The following ABCC2 variants were observed in gnomAD, a reference collection of about 807,000 sequenced individuals.
The protein encoded by ABCC2 is ATP-binding cassette sub-family C member 2.
A neutral mutation model predicts 173.4 loss-of-function variants in ABCC2; 157 were observed. That is an observed-to-expected ratio of 0.91 (90% CI 0.80 to 1.03). ABCC2 has a LOEUF of 1.03. Ranked by LOEUF, ABCC2 falls within the 50% of genes least tolerant of loss-of-function variation. The pLI, the probability that ABCC2 is intolerant of heterozygous loss-of-function variation, is 0.00. For synonymous variants in ABCC2, 657 were observed against 693.5 expected, an observed-to-expected ratio of 0.95 and a Z score of 0.83; for missense variants, 1,822 against 1,852.3, an observed-to-expected ratio of 0.98 and a Z score of 0.30.
chr10:99,831,409 A>T (rs893031048), intron 21 of ABCC2, among the ~76,000 whole-genome samples: 4 of 152,038 alleles, frequency 2.6e-5, no homozygotes, highest in African/African-American at 9.7e-5. Context: ...TTTGATGATT[A>T]TTTACCCTGC....
chr10:99,794,695 C>A (rs1188808241), intron 6 of ABCC2: 2 of 489,652 alleles, frequency 4.1e-6, no homozygotes, highest in Admixed American at 6.7e-5. Flanking sequence ...CAGGTGTGAG[C>A]TACCATGCCC....
At chr10:99,800,630 G>A in intron 9 of ABCC2, 67 bp downstream of exon 9, 1 of 1,564,682 alleles carries the variant, frequency 6.4e-7, no homozygotes, top group Non-Finnish European at 8.8e-7. Context: ...TGATTCCAAG[G>A]TTGAGGAAAA....
intron 6 of ABCC2, chr10:99,794,764 T>C: frequency 2.8e-6 from 1 of 358,052 alleles, no homozygotes; most frequent in Non-Finnish European, 5.3e-6. Context: ...AAGCTGGTCT[T>C]GAACTCAAGC....
At chr10:99,842,205 A>G in intron 26 of ABCC2, 112 bp downstream of exon 26, 1 of 1,478,206 alleles carries the variant, frequency 6.8e-7, no homozygotes, top group South Asian at 1.1e-5. Flanking sequence ...CAGAGGGACT[A>G]AAGAAGACTG....
intron 15 of ABCC2, 30 bp downstream of exon 15, chr10:99,811,632 C>G: frequency 6.2e-7 from 1 of 1,611,464 alleles, no homozygotes; most frequent in Non-Finnish European, 8.5e-7. Flanking sequence ...TCCTAATGTT[C>G]TTTAGCATTC....
chr10:99,846,922 G>T, intron 29 of ABCC2, 39 bp from the exon 30 acceptor site: 1 of 1,613,438 alleles, frequency 6.2e-7, no homozygotes, highest in Non-Finnish European at 8.5e-7. Context: ...TCCTTTTCTG[G>T]CATGAGCCCC....
Position 99,813,144 on chromosome 10 carries a change from G to T in ABCC2, c.2094G>T (p.Lys698Asn). The change falls in exon 16 of 32, where the codon AAG (lysine) becomes AAT (asparagine). Residue 698 changes from lysine (K) to asparagine (N), a missense_variant and splice_region_variant. By Grantham distance (94) the Lys-to-Asn change is moderately conservative. Transcript: ENST00000647814. ...MENVHGHITI[K>N]GTTAYVPQQS... ...ATGTCCACGGGCACATCACCATCAA[G>T]GTGAGAGGGAATGCCAATGCAAAAG... 6.2e-7 allele frequency: 1 copy of T among 1,613,512 alleles called. No homozygotes were observed. The highest frequency in any genetic ancestry group is 8.5e-7 in the Non-Finnish European group (1 of 1,179,694).
At chr10:99,785,048 T>G (rs1338303750) in intron 2 of ABCC2, among the ~76,000 whole-genome samples, 1 of 152,174 alleles carries the variant, frequency 6.6e-6, no homozygotes, top group Non-Finnish European at 1.5e-5. Context: ...TCAATCAAAT[T>G]ATCTTTATAG....
At chr10:99,826,089 C>T (rs1351153314) in intron 19 of ABCC2, among the ~76,000 whole-genome samples, 1 of 152,138 alleles carries the variant, frequency 6.6e-6, no homozygotes, top group East Asian at 1.9e-4. Context: ...AGGTGGCTCT[C>T]TACCTGTTGT....
At position 99,851,403 on chromosome 10, in the gene ABCC2, T is replaced by C. The variant is rs950247565; in HGVS notation, c.4509-99T>C. ...ATTGATTTTCACTGCTTTGTAGCCT[T>C]GTCTGACTATACCACAACTTAGTCC... On this transcript the variant is annotated intron_variant, in intron 31 of 31. Coordinates refer to ENST00000647814, the MANE Select transcript of ABCC2 (RefSeq NM_000392.5). 6.4e-6 allele frequency: 9 copies of C among 1,414,518 alleles called. No individual in the cohort carries two copies. In the African/African-American group the frequency reaches 1.3e-4, roughly 20 times the overall value. The allele number at this position is 1,414,518 out of a possible 1,614,324, so 87.6% of individuals were successfully genotyped here.
At position 99,782,779 on chromosome 10, in the gene ABCC2, AG is replaced by A; in HGVS notation, c.-65del. On this transcript the variant is annotated 5_prime_UTR_variant, in exon 1 of 32. The change abolishes the stop of an existing upstream ORF in the 5' untranslated region. Transcript: ENST00000647814. ...CTGTTCCACTTTCTTTGATGAAACA[AG>A]TAAAGAAGAAACAACACAATCATAT... 6.4e-7 allele frequency: 1 copy of A among 1,556,150 alleles called. No homozygotes were observed. Among genetic ancestry groups the A allele is most frequent in the Non-Finnish European group, 8.9e-7 (1 of 1,127,390 alleles).
At chr10:99,805,926 AT>A (rs1590155558) in intron 11 of ABCC2, among the ~76,000 whole-genome samples, 1 of 152,128 alleles carries the variant, frequency 6.6e-6, no homozygotes, top group East Asian at 1.9e-4. Context: ...AAAAATTAAC[AT>A]TCTTTGATAC....
intron 25 of ABCC2, among the ~76,000 whole-genome samples, chr10:99,839,005 G>A (rs1370102240): frequency 1.0e-4 from 11 of 109,968 alleles, no homozygotes; most frequent in African/African-American, 4.1e-4. Context: ...GCCGGGCAGA[G>A]GGGCTCCTCA....
intron 11 of ABCC2, among the ~76,000 whole-genome samples, chr10:99,807,094 T>C (rs2038121487): frequency 6.6e-6 from 1 of 152,256 alleles, no homozygotes. Flanking sequence ...CCCAGAACTT[T>C]TTAAGTCTTA....
intron 19 of ABCC2, among the ~76,000 whole-genome samples, chr10:99,827,058 G>A (rs1262044451): frequency 2.6e-5 from 4 of 150,948 alleles, no homozygotes; most frequent in Admixed American, 6.6e-5. Context: ...TGGTGCCGTA[G>A]GATTAAGTCT....
intron 16 of ABCC2, among the ~76,000 whole-genome samples, chr10:99,816,232 C>T (rs900270225): frequency 6.6e-6 from 1 of 152,116 alleles, no homozygotes; most frequent in Non-Finnish European, 1.5e-5. Context: ...TCCCAGTGTG[C>T]TGGAATTACA....
At position 99,836,175 on chromosome 10, in the gene ABCC2, G is replaced by GT. The variant is rs1333544687; in HGVS notation, c.3500dup (p.Ser1168IlefsTer10). On this transcript the variant is annotated frameshift_variant, in exon 25 of 32. Transcript: ENST00000647814. LOFTEE classifies it high-confidence loss of function. ...AATCTACTCTCACTTCAGCGAGACC[G>GT]TATCAGGTTTGCCAGTTATCCGTGC... The GT allele has an allele frequency of 8.1e-6, 13 of 1,614,058 alleles. No individual in the cohort carries two copies. Among genetic ancestry groups the GT allele is most frequent in the Admixed American group, 1.7e-5 (1 of 60,002 alleles).
At chr10:99,807,260 T>A (rs2038125575) in intron 11 of ABCC2, 124 bp from the exon 12 acceptor site, 7 of 1,289,608 alleles carry the variant, frequency 5.4e-6, no homozygotes, top group Non-Finnish European at 7.8e-6. Context: ...GTAATCATAC[T>A]TTATAATCTG....
intron 9 of ABCC2, among the ~76,000 whole-genome samples, chr10:99,801,444 G>A (rs1371971319): frequency 2.0e-5 from 3 of 152,074 alleles, no homozygotes; most frequent in Admixed American, 1.3e-4. Context: ...CACCATGTTA[G>A]CCAGGATGGT....
Sources: gnomAD v4.1 joint callset for allele counts (sites outside exome capture counted in the v4.1 genomes callset) on GRCh38, gnomAD v4.1.1 for gene constraint, MANE v1.5 for transcripts, NCBI Gene and HGNC (gene_info 2026-07-23, HGNC 2026-07-21) for gene names.